Variants in MAF observed in about 807,000 individuals in gnomAD.
MAF encodes transcription factor Maf.
Under a neutral mutation model 22.0 loss-of-function variants are expected in MAF, and 10 were observed. That is an observed-to-expected ratio of 0.45 (90% confidence interval 0.28 to 0.77). The LOEUF (loss-of-function observed/expected upper bound fraction) is 0.77. MAF is among the 30% of genes least tolerant of loss of function. The pLI is 0.12. For synonymous variants in MAF, 337 were observed against 255.8 expected, an observed-to-expected ratio of 1.32 and a Z score of -3.03; for missense variants, 544 against 548.4, an observed-to-expected ratio of 0.99 and a Z score of 0.08.
At chr16:79,407,282 T>G in the MAF span, among the ~76,000 whole-genome samples, 1 of 152,162 alleles carries the variant, frequency 6.6e-6, no homozygotes, top group Non-Finnish European at 1.5e-5. Context: ...AGGGGCCTCT[T>G]GGCTAGCTCT....
the MAF span, among the ~76,000 whole-genome samples, chr16:79,427,771 G>T: frequency 6.6e-6 from 1 of 152,108 alleles, no homozygotes; most frequent in Admixed American, 6.5e-5. Flanking sequence ...ACACCTAGTT[G>T]TAATTGCTCT....
chr16:79,553,076 G>T, the MAF span, among the ~76,000 whole-genome samples: 19 of 152,162 alleles, frequency 1.2e-4, no homozygotes, highest in Non-Finnish European at 2.8e-4. Flanking sequence ...CCTGCAAAAT[G>T]GGTTATTAAT....
At chr16:79,403,785 G>C in the MAF span, among the ~76,000 whole-genome samples, 53 of 152,328 alleles carry the variant, frequency 3.5e-4, no homozygotes, top group African/African-American at 1.3e-3. Context: ...CAGTAAATAA[G>C]AGGGTGGCTC....
the MAF span, among the ~76,000 whole-genome samples, chr16:79,558,898 G>A: frequency 6.6e-6 from 1 of 152,164 alleles, no homozygotes; most frequent in Admixed American, 6.5e-5. Context: ...TAACCCTCAG[G>A]CTTCCTTTCT....
chr16:79,234,143 G>A, the MAF span, among the ~76,000 whole-genome samples: 540 of 152,122 alleles, frequency 3.5e-3, 4 homozygotes, highest in African/African-American at 0.012. Flanking sequence ...GGTGCCAGTG[G>A]CCCTTTTCAC....
At chr16:79,591,644 A>C (rs1913196236), downstream of MAF, among the ~76,000 whole-genome samples, 1 of 152,178 alleles carries the variant, frequency 6.6e-6, no homozygotes, top group South Asian at 2.1e-4. Context: ...TCTGATGAAA[A>C]TTCATAGAAA....
chr16:79,541,373 C>T, the MAF span, among the ~76,000 whole-genome samples: 1 of 152,090 alleles, frequency 6.6e-6, no homozygotes, highest in Non-Finnish European at 1.5e-5. Flanking sequence ...TACCCGTAAC[C>T]CAAACCCTTG....
At chr16:79,391,203 A>T in the MAF span, among the ~76,000 whole-genome samples, 1 of 152,132 alleles carries the variant, frequency 6.6e-6, no homozygotes, top group African/African-American at 2.4e-5. Flanking sequence ...AAATTGTTCA[A>T]CCTCTGCACC....
the MAF span, among the ~76,000 whole-genome samples, chr16:79,306,439 T>A: frequency 3.1e-4 from 47 of 152,316 alleles, no homozygotes; most frequent in Non-Finnish European, 3.7e-4. Context: ...AAGGATACAC[T>A]TACCAGGGTA....
chr16:79,215,101 A>G, the MAF span, among the ~76,000 whole-genome samples: 1 of 152,178 alleles, frequency 6.6e-6, no homozygotes, highest in Non-Finnish European at 1.5e-5. Flanking sequence ...AGAAGTGTCA[A>G]TCTGCTGTTG....
chr16:79,292,487 G>T, the MAF span, among the ~76,000 whole-genome samples: 1 of 152,190 alleles, frequency 6.6e-6, no homozygotes, highest in Admixed American at 6.5e-5. Context: ...AATTTCTTTT[G>T]TAAGTAACTC....
At chr16:79,397,342 T>C in the MAF span, among the ~76,000 whole-genome samples, 2 of 152,234 alleles carry the variant, frequency 1.3e-5, no homozygotes, top group African/African-American at 2.4e-5. Flanking sequence ...CTTTGTTCTT[T>C]AAATAGTGCA....
At chr16:79,433,862 G>C in the MAF span, among the ~76,000 whole-genome samples, 1 of 152,132 alleles carries the variant, frequency 6.6e-6, no homozygotes, top group Non-Finnish European at 1.5e-5. Flanking sequence ...AGAAAGATCT[G>C]GCATGACTGG....
the MAF span, among the ~76,000 whole-genome samples, chr16:79,366,927 G>A: frequency 3.3e-5 from 5 of 152,172 alleles, no homozygotes; most frequent in Non-Finnish European, 7.3e-5. Flanking sequence ...TTGAAAGTGT[G>A]TATCTCAGGG....
chr16:79,438,457 G>T, the MAF span, among the ~76,000 whole-genome samples: 1 of 152,210 alleles, frequency 6.6e-6, no homozygotes, highest in Non-Finnish European at 1.5e-5. Context: ...GGAGATAACA[G>T]CCTGGAGGAG....
the MAF span, among the ~76,000 whole-genome samples, chr16:79,256,801 C>G: frequency 1.2e-4 from 18 of 152,158 alleles, no homozygotes; most frequent in Non-Finnish European, 2.4e-4. Flanking sequence ...CCTTAAAAAT[C>G]TCCCCATTGG....
chr16:79,551,575 A>G, the MAF span, among the ~76,000 whole-genome samples: 1 of 152,158 alleles, frequency 6.6e-6, no homozygotes, highest in Admixed American at 6.5e-5. Context: ...CCCTTCCTGA[A>G]GCTGTGCCTC....
chr16:79,217,986 T>TAAAAAAAAAA, the MAF span, among the ~76,000 whole-genome samples: 11 of 52,122 alleles, frequency 2.1e-4, no homozygotes, highest in Admixed American at 3.4e-4. Context: ...GAAGCTTATG[T>TAAAAAAAAAA]AAAAAAAAAA....
the MAF span, among the ~76,000 whole-genome samples, chr16:79,300,383 C>G: frequency 5.3e-3 from 813 of 152,088 alleles, 5 homozygotes; most frequent in Non-Finnish European, 9.1e-3. Flanking sequence ...GGTGAAACCC[C>G]GTCTCTACTA....
Sources: gnomAD v4.1 joint callset for allele counts (sites outside exome capture counted in the v4.1 genomes callset) on GRCh38, gnomAD v4.1.1 for gene constraint, MANE v1.5 for transcripts, NCBI Gene and HGNC (gene_info 2026-07-23, HGNC 2026-07-21) for gene names.